MARCHF1: variants seen among roughly 807,000 people sequenced by gnomAD.
MARCHF1 encodes the protein membrane associated ring-CH-type finger 1, also known as E3 ubiquitin-protein ligase MARCHF1.
In MARCHF1, 40 loss-of-function variants were observed where a neutral mutation model predicts 54.2. The ratio of observed to expected loss-of-function variants is 0.74; its 90% confidence interval spans 0.57 to 0.96. The LOEUF is 0.96. MARCHF1 is among the 40% of genes least tolerant of loss of function. The pLI is 0.00. For missense variants in MARCHF1, 586 were observed against 656.5 expected (o/e 0.89, Z 1.17); for synonymous variants, 236 against 236.3 (o/e 1.00, Z 0.01).
chr4:163,978,692 A>AT (rs1382933717), intron 3 of MARCHF1, among the ~76,000 whole-genome samples: 1 of 151,600 alleles, frequency 6.6e-6, no homozygotes, highest in Non-Finnish European at 1.5e-5. Flanking sequence ...ATTCCTGGGG[A>AT]TTTTTTGTTG....
chr4:164,029,943 T>C (rs1284450141), intron 2 of MARCHF1, among the ~76,000 whole-genome samples: 1 of 152,224 alleles, frequency 6.6e-6, no homozygotes, highest in Non-Finnish European at 1.5e-5. Flanking sequence ...AATTTGTAAA[T>C]GTTTCCTTTC....
intron 8 of MARCHF1, among the ~76,000 whole-genome samples, chr4:163,554,688 T>C (rs1282727213): frequency 6.6e-6 from 1 of 152,208 alleles, no homozygotes; most frequent in Non-Finnish European, 1.5e-5. Context: ...GCTGGAATTA[T>C]ATGAGATAAT....
chr4:163,772,769 C>A (rs200779788), intron 4 of MARCHF1, among the ~76,000 whole-genome samples: 1 of 152,106 alleles, frequency 6.6e-6, no homozygotes, highest in Admixed American at 6.5e-5. Flanking sequence ...ACCCCCCTTT[C>A]TCATCTCAGC....
intron 4 of MARCHF1, among the ~76,000 whole-genome samples, chr4:163,740,147 C>T (rs1435850266): frequency 6.6e-6 from 1 of 152,156 alleles, no homozygotes; most frequent in East Asian, 1.9e-4. Flanking sequence ...CTTGATAAGA[C>T]AGATGGCACT....
At chr4:163,992,053 G>T (rs1488911575) in intron 2 of MARCHF1, among the ~76,000 whole-genome samples, 1 of 72,380 alleles carries the variant, frequency 1.4e-5, no homozygotes, top group East Asian at 4.2e-4. Flanking sequence ...CTTGATCTTT[G>T]TCAGCTGCAA....
chr4:163,737,153 C>CTT (rs1252109628), intron 4 of MARCHF1, among the ~76,000 whole-genome samples: 3 of 79,234 alleles, frequency 3.8e-5, no homozygotes, highest in African/African-American at 1.4e-4. Context: ...GCGCTCGCAG[C>CTT]TTTTTTCTTT....
chr4:164,278,981 T>G (rs530057239), intron 1 of MARCHF1, among the ~76,000 whole-genome samples: 14 of 152,262 alleles, frequency 9.2e-5, no homozygotes, highest in African/African-American at 2.9e-4. Context: ...TGATAATTTA[T>G]TAGTTAGGCT....
chr4:164,365,405 T>C (rs1194294573), intron 1 of MARCHF1, among the ~76,000 whole-genome samples: 1 of 152,068 alleles, frequency 6.6e-6, no homozygotes, highest in Non-Finnish European at 1.5e-5. Flanking sequence ...TGGCTAGATC[T>C]TTCTTGTTTC....
intron 5 of MARCHF1, among the ~76,000 whole-genome samples, chr4:163,688,847 C>T (rs111422571): frequency 2.6e-5 from 4 of 151,966 alleles, no homozygotes; most frequent in Non-Finnish European, 4.4e-5. Flanking sequence ...ATCAGAGATT[C>T]GTTATACTGA....
intron 5 of MARCHF1, among the ~76,000 whole-genome samples, chr4:163,653,662 G>T (rs1296310970): frequency 5.9e-5 from 9 of 151,678 alleles, no homozygotes; most frequent in Non-Finnish European, 1.3e-4. Flanking sequence ...AGGAGAAAAA[G>T]AAAGGAAAGA....
At chr4:164,019,491 C>T (rs1193551974) in intron 2 of MARCHF1, among the ~76,000 whole-genome samples, 1 of 152,068 alleles carries the variant, frequency 6.6e-6, no homozygotes, top group Non-Finnish European at 1.5e-5. Context: ...AGATGGAAAA[C>T]CCCATTGTTG....
chr4:164,034,186 A>G (rs10857366), intron 2 of MARCHF1, among the ~76,000 whole-genome samples: 60,848 of 151,862 alleles, frequency 0.4, 12,880 homozygotes, highest in Middle Eastern at 0.59. Context: ...TTGCAGGGAC[A>G]TGGATGAAGC....
At chr4:163,959,321 C>T in intron 3 of MARCHF1, among the ~76,000 whole-genome samples, 1 of 127,848 alleles carries the variant, frequency 7.8e-6, no homozygotes, top group East Asian at 2.2e-4. Flanking sequence ...AGCAAAACAA[C>T]AACAACAACA....
chr4:163,611,597 T>A (rs961677269), intron 7 of MARCHF1, among the ~76,000 whole-genome samples: 1 of 152,124 alleles, frequency 6.6e-6, no homozygotes, highest in Non-Finnish European at 1.5e-5. Flanking sequence ...ATTCTTTTTA[T>A]GTAAGGTTAT....
chr4:163,685,610 AC>A, intron 5 of MARCHF1, among the ~76,000 whole-genome samples: 1 of 151,898 alleles, frequency 6.6e-6, no homozygotes, highest in Non-Finnish European at 1.5e-5. Context: ...ATGCGCCACC[AC>A]CCCAGGCTAA....
At chr4:164,370,320 G>C (rs890096922) in intron 1 of MARCHF1, among the ~76,000 whole-genome samples, 10 of 152,210 alleles carry the variant, frequency 6.6e-5, no homozygotes, top group African/African-American at 2.4e-4. Context: ...CCTGCTGGGG[G>C]AAAGGGAAGA....
chr4:164,013,917 C>A (rs887221310), intron 2 of MARCHF1, among the ~76,000 whole-genome samples: 2 of 152,102 alleles, frequency 1.3e-5, no homozygotes, highest in African/African-American at 2.4e-5. Context: ...GTAATCCCAG[C>A]ACTTTGGGAG....
At chr4:164,251,911 C>T (rs1285404824) in intron 1 of MARCHF1, among the ~76,000 whole-genome samples, 1 of 152,054 alleles carries the variant, frequency 6.6e-6, no homozygotes, top group East Asian at 1.9e-4. Flanking sequence ...AAGCACATAG[C>T]ACCAATAGAT....
chr4:163,630,770 A>T (rs1742046859), intron 5 of MARCHF1, among the ~76,000 whole-genome samples: 1 of 152,164 alleles, frequency 6.6e-6, no homozygotes, highest in African/African-American at 2.4e-5. Flanking sequence ...TTAGAAGAAC[A>T]AAAGAAAAAG....
Sources: gnomAD v4.1 joint callset for allele counts (sites outside exome capture counted in the v4.1 genomes callset) on GRCh38, gnomAD v4.1.1 for gene constraint, MANE v1.5 for transcripts, NCBI Gene and HGNC (gene_info 2026-07-23, HGNC 2026-07-21) for gene names.